Variants in SCUBE1 observed in about 807,000 individuals in gnomAD.
SCUBE1 encodes signal peptide, CUB domain and EGF like domain containing 1.
SCUBE1 carries 59 observed loss-of-function variants against 124.4 expected under a neutral mutation model. The ratio of observed to expected loss-of-function variants is 0.47; its 90% CI spans 0.38 to 0.59. SCUBE1 has a LOEUF of 0.59. Ranked by LOEUF, SCUBE1 falls within the 20% of genes least tolerant of loss-of-function variation. The pLI is 0.00. For missense variants in SCUBE1, 1,150 were observed against 1,371.2 expected (o/e 0.84, Z 2.55); for synonymous variants, 545 against 550.9 (o/e 0.99, Z 0.15).
intron 2 of SCUBE1, among the ~76,000 whole-genome samples, chr22:43,325,638 T>G (rs551107020): frequency 1.3e-5 from 2 of 152,084 alleles, no homozygotes; most frequent in East Asian, 3.9e-4. Flanking sequence ...CTGAGCAGCT[T>G]TCAGAGCCCT....
At chr22:43,318,687 C>A (rs60003553) in intron 3 of SCUBE1, among the ~76,000 whole-genome samples, 14,751 of 152,110 alleles carry the variant, frequency 0.097, 1,486 homozygotes, top group African/African-American at 0.26. Context: ...CTACTCTTCT[C>A]CTTTTTTCCA....
chr22:43,343,228 C>G lies in SCUBE1; in HGVS notation c.34G>C (p.Val12Leu). ...CCGCGTGTGCCCAGGGCCAGCAGCA[C>G]GCACAAGTGCCAGCGCACGGCCGCC... ...GAAAVRWHLCVLLALGTRGRL... is the reference protein window; with the variant it reads ...GAAAVRWHLCLLLALGTRGRL... The change falls in exon 1 of 22, where the codon GTG becomes CTG. Residue 12 changes from valine to leucine, a missense_variant. Coordinates refer to ENST00000360835, the MANE Select transcript of SCUBE1 (RefSeq NM_173050.5). 1 of 1,209,996 alleles carries G rather than the reference C, an allele frequency of 8.3e-7. No individual in the cohort carries two copies. Among genetic ancestry groups the G allele is most frequent in the Non-Finnish European group, 1.0e-6 (1 of 967,258 alleles). The allele number at this position is 1,209,996 out of a possible 1,614,324, so 75.0% of individuals were successfully genotyped here. A position where few individuals can be genotyped will look rare whatever the true frequency, so the allele number is the denominator to read the frequency against.
Position 43,262,891 on chromosome 22 carries a change from A to G in SCUBE1, c.485-46T>C, listed in dbSNP as rs375165298. 4.2e-5 allele frequency: 66 copies of G among 1,586,176 alleles called. 1 individual carries two copies. In the African/African-American group the frequency reaches 7.4e-4, roughly 18 times the overall value. On this transcript the variant is annotated intron_variant, in intron 4 of 21. Coordinates refer to ENST00000360835, the MANE Select transcript of SCUBE1 (RefSeq NM_173050.5). The stretch of plus-strand genomic sequence containing the variant: ...GAGACGGGTTGAAGACCAGGCAGAG[A>G]GGGAGAGAGAAAATTTCAGGCTGAA...
intron 10 of SCUBE1, among the ~76,000 whole-genome samples, chr22:43,223,768 G>A (rs1174827674): frequency 6.6e-6 from 1 of 152,234 alleles, no homozygotes; most frequent in African/African-American, 2.4e-5. Flanking sequence ...TTTTACAGAT[G>A]GCTAATTGGT....
At position 43,220,475 on chromosome 22, in the gene SCUBE1, G is replaced by T; in HGVS notation, c.1662C>A (p.Ile554=). 1.2e-6 allele frequency: 2 copies of T among 1,614,020 alleles called. No homozygotes were observed. The highest frequency in any genetic ancestry group is 2.2e-5 in the South Asian group (2 of 91,066). ...CTGAGGCCTCTTCCATCTTTGTCTC[G>T]ATCTCAAACTCTGCTGTGATGTGGG... ...EVSHITAEFE[I]ETKMEEASDT... The change falls in exon 14 of 22, where the codon ATC becomes ATA. Residue 554 remains isoleucine (I), a synonymous_variant. Coordinates refer to ENST00000360835, the MANE Select transcript of SCUBE1 (RefSeq NM_173050.5).
At chr22:43,216,106 G>A (rs1174028251) in intron 15 of SCUBE1, among the ~76,000 whole-genome samples, 1 of 151,960 alleles carries the variant, frequency 6.6e-6, no homozygotes, top group Non-Finnish European at 1.5e-5. Context: ...GAGTGCAGTG[G>A]TGTGATCTCA....
rs1268497043 is a variant in SCUBE1, at chr22:43,198,873, C to T, written c.*5124G>A. ...GGAAGTGTGTCTGTCTGTCTGCTGT[C>T]TGGGGCAGTTTGCTGTCTGCTTTCC... On this transcript the variant is annotated 3_prime_UTR_variant, in exon 22 of 22. Coordinates refer to ENST00000360835, the MANE Select transcript of SCUBE1 (RefSeq NM_173050.5). 7 of 388,812 alleles carry T rather than the reference C, an allele frequency of 1.8e-5. No individual in the cohort carries two copies. The East Asian group carries it at 5.0e-4, about 28-fold the overall frequency. The allele number at this position is 388,812 out of a possible 1,614,324, so 24.1% of individuals were successfully genotyped here. A position where few individuals can be genotyped will look rare whatever the true frequency, so the allele number is the denominator to read the frequency against.
intron 4 of SCUBE1, among the ~76,000 whole-genome samples, chr22:43,276,629 T>C (rs890729017): frequency 2.6e-5 from 4 of 152,310 alleles, no homozygotes; most frequent in African/African-American, 9.6e-5. Flanking sequence ...TGCCCGGTGG[T>C]TTCCGAACCC....
At chr22:43,313,834 C>G (rs896667969) in intron 3 of SCUBE1, among the ~76,000 whole-genome samples, 21 of 152,232 alleles carry the variant, frequency 1.4e-4, no homozygotes, top group Admixed American at 9.8e-4. Flanking sequence ...ACTATGAAAA[C>G]TTAGGCAAGA....
At position 43,211,148 on chromosome 22, in the gene SCUBE1, T is replaced by C; in HGVS notation, c.2222-65A>G. 1 of 1,513,568 alleles carries C rather than the reference T, an allele frequency of 6.6e-7. No homozygotes were observed. Among genetic ancestry groups the C allele is most frequent in the Non-Finnish European group, 9.0e-7 (1 of 1,113,200 alleles). 93.8% of individuals were successfully genotyped at this position (1,513,568 alleles called of 1,614,324 possible). A position where few individuals can be genotyped will look rare whatever the true frequency, so the allele number is the denominator to read the frequency against. On this transcript the variant is annotated intron_variant, in intron 17 of 21. Transcript: ENST00000360835. The surrounding 1 kb of genome is among the most constrained non-coding windows in gnomAD (Gnocchi z 4.5). ...GTGCAGGGAAAGGGCAGCACTGGGGTGCTGTCCCCAGGACCTCTCATGCCC... is the reference window on the plus strand; with the variant it reads ...GTGCAGGGAAAGGGCAGCACTGGGGCGCTGTCCCCAGGACCTCTCATGCCC...
At chr22:43,265,186 A>C (rs1015924307) in intron 4 of SCUBE1, among the ~76,000 whole-genome samples, 1 of 152,228 alleles carries the variant, frequency 6.6e-6, no homozygotes. Context: ...ATTAAGCCCT[A>C]GAGGTCTTTC....
chr22:43,256,536 G>C (rs1157046951), intron 6 of SCUBE1, among the ~76,000 whole-genome samples: 2 of 152,228 alleles, frequency 1.3e-5, no homozygotes, highest in Non-Finnish European at 2.9e-5. Context: ...TTTCTAATGA[G>C]AGGGGAGGGA....
Position 43,218,461 on chromosome 22 carries a change from G to A in SCUBE1, c.1688-3C>T. 1 of 1,609,400 alleles carries A rather than the reference G, an allele frequency of 6.2e-7. No individual in the cohort carries two copies. The highest frequency in any genetic ancestry group is 8.5e-7 in the Non-Finnish European group (1 of 1,179,854). ...CAAGCAGTCCGCTTCGCATGTGTCTGCAGGGGCAGGAGAGACAGAACATGA... is the reference window on the plus strand; with the variant it reads ...CAAGCAGTCCGCTTCGCATGTGTCTACAGGGGCAGGAGAGACAGAACATGA... On this transcript the variant is annotated splice_polypyrimidine_tract_variant and splice_region_variant and intron_variant, in intron 14 of 21. Transcript: ENST00000360835.
intron 6 of SCUBE1, among the ~76,000 whole-genome samples, chr22:43,256,017 A>T (rs571397424): frequency 1.3e-5 from 2 of 152,328 alleles, no homozygotes; most frequent in African/African-American, 4.8e-5. Context: ...GGCACAGGAC[A>T]AGGGGACAGG....
At chr22:43,300,324 G>T (rs1028684408) in intron 3 of SCUBE1, among the ~76,000 whole-genome samples, 4 of 148,974 alleles carry the variant, frequency 2.7e-5, no homozygotes, top group Non-Finnish European at 5.9e-5. Context: ...AGCCATCCTA[G>T]TGGGTGTGGC....
chr22:43,217,163 C>T (rs1185522932), intron 15 of SCUBE1, among the ~76,000 whole-genome samples: 1 of 147,124 alleles, frequency 6.8e-6, no homozygotes, highest in Non-Finnish European at 1.5e-5. Context: ...CCTCCTCCCC[C>T]GCCAGGTATC....
intron 3 of SCUBE1, chr22:43,318,204 A>T (rs1336537730): frequency 6.6e-6 from 1 of 152,214 alleles, no homozygotes; most frequent in Non-Finnish European, 1.5e-5. Context: ...TAGTGGTAAC[A>T]GGGGCCACAT....
At chr22:43,289,567 C>G (rs186326317) in intron 4 of SCUBE1, among the ~76,000 whole-genome samples, 2 of 152,328 alleles carry the variant, frequency 1.3e-5, no homozygotes, top group Non-Finnish European at 2.9e-5. Flanking sequence ...ATCCTGAGTA[C>G]TTTTTAAATG....
chr22:43,272,718 G>A (rs147693510), intron 4 of SCUBE1, among the ~76,000 whole-genome samples: 3 of 152,194 alleles, frequency 2.0e-5, no homozygotes, highest in African/African-American at 7.2e-5. Flanking sequence ...CACCGGGCAC[G>A]GACATGGGCC....
Sources: gnomAD v4.1 joint callset for allele counts (sites outside exome capture counted in the v4.1 genomes callset) on GRCh38, gnomAD v4.1.1 for gene constraint, Gnocchi (gnomAD v3.1) non-coding constraint, MANE v1.5 for transcripts, NCBI Gene and HGNC (gene_info 2026-07-23, HGNC 2026-07-21) for gene names.